Variants in BUD13 observed in about 807,000 individuals in gnomAD.
BUD13 encodes BUD13 spliceosome associated protein.
In BUD13, 47 loss-of-function variants were observed where a neutral mutation model predicts 62.5. That is an observed-to-expected ratio of 0.75 (90% CI 0.60 to 0.96). BUD13 has a LOEUF of 0.96. Among genes scored for constraint, BUD13 ranks in the 40% least tolerant of loss-of-function variants. The pLI is 0.00. For missense variants in BUD13, 821 were observed against 790.9 expected (o/e 1.04, Z -0.46); for synonymous variants, 293 against 280.1 (o/e 1.05, Z -0.46).
At chr11:116,752,419 G>A (rs1940252452) in intron 9 of BUD13, among the ~76,000 whole-genome samples, 1 of 152,026 alleles carries the variant, frequency 6.6e-6, no homozygotes, top group African/African-American at 2.4e-5. Context: ...AGGGAAATAA[G>A]AGAAGAAATC....
At position 116,759,102 on chromosome 11, in the gene BUD13, T is replaced by G. The variant is rs1940385758; in HGVS notation, c.1332A>C (p.Glu444Asp). ...DIQREQQELK[E>D]QDQETMAFEA... ...CAAATGCCATGGTTTCTTGATCCTG[T>G]TCCTTGAGCTCCTGCTGTTCTCGCT... Residue 444 changes from glutamate (E) to aspartate (D), a missense_variant, in exon 6 of 10, where the codon GAA becomes GAC. Physicochemically the swap from Glu to Asp is conservative, Grantham distance 45. Coordinates refer to ENST00000260210, the MANE Select transcript of BUD13 (RefSeq NM_032725.4). 1 of 1,613,970 alleles carries G rather than the reference T, an allele frequency of 6.2e-7. No homozygotes were observed.
chr11:116,763,199 C>T lies in BUD13; in HGVS notation c.390G>A (p.Arg130=). 1.3e-6 allele frequency: 2 copies of T among 1,585,772 alleles called. No homozygotes were observed. Among genetic ancestry groups the T allele is most frequent in the Non-Finnish European group, 8.6e-7 (1 of 1,165,534 alleles). ...RHDTPDSSPR[R]VRHGTPDPSP... is the part of the protein sequence containing the mutation. ...ATGGATCTGGGGTACCATGACGGAC[C>T]CTCCTAGGAGATGAATCCGGGGTAT... The change falls in exon 4 of 10, where the codon AGG becomes AGA. Residue 130 remains arginine (R), a synonymous_variant. Coordinates refer to ENST00000260210, the MANE Select transcript of BUD13 (RefSeq NM_032725.4).
chr11:116,762,431 C>T (rs1048361302), intron 4 of BUD13, 122 bp downstream of exon 4: 3 of 825,436 alleles, frequency 3.6e-6, no homozygotes, highest in South Asian at 3.9e-5. Flanking sequence ...CCAAACCCAG[C>T]CTCTCACTTT....
rs558368404 is a variant in BUD13, at chr11:116,761,050, G to T, written c.1037-98C>A. On this transcript the variant is annotated intron_variant, in intron 4 of 9. Coordinates refer to ENST00000260210, the MANE Select transcript of BUD13 (RefSeq NM_032725.4). ...CTGGGAGAAGAACCTAGAAATTAAA[G>T]AATTCCTTACATTATTATTATTTTT... is the stretch of plus-strand genomic sequence containing the variant. 8 of 955,312 alleles carry T rather than the reference G, an allele frequency of 8.4e-6. No individual in the cohort carries two copies. In the African/African-American group the frequency reaches 8.4e-5, roughly 10 times the overall value. The allele number at this position is 955,312 out of a possible 1,614,324, so 59.2% of individuals were successfully genotyped here. A position where few individuals can be genotyped will look rare whatever the true frequency, so the allele number is the denominator to read the frequency against.
rs772001563 is a variant in BUD13 at position 116,762,998 on chromosome 11, A to T, written c.591T>A (p.Ser197=). The stretch of plus-strand genomic sequence containing the variant: ...GCCTCCTTGGGGGAGAAGGATCTGG[A>T]GAATCATGACGGGCCCTCCTTGGGG... The part of the protein sequence containing the change: ...TSPPRRARHD[S]PDPSPPRRPQ... The change falls in exon 4 of 10, where the codon TCT becomes TCA. Residue 197 remains serine, a synonymous_variant. Transcript: ENST00000260210. 3.7e-6 allele frequency: 6 copies of T among 1,612,994 alleles called. No homozygotes were observed. Among genetic ancestry groups the T allele is most frequent in the Non-Finnish European group, 5.1e-6 (6 of 1,179,686 alleles).
Position 116,748,462 on chromosome 11 carries a change from C to T in BUD13, c.*20G>A, listed in dbSNP as rs145906707. 2.3e-3 allele frequency: 3,661 copies of T among 1,611,020 alleles called. 8 individuals are homozygous for T. Among genetic ancestry groups the T allele is most frequent in the Middle Eastern group, 8.3e-3 (50 of 6,054 alleles). ...TATGCCCACTACCACAGCCCAGCCACCCCCACAGCCTCAGGAAAGTTACAT... is the reference window on the plus strand; with the variant it reads ...TATGCCCACTACCACAGCCCAGCCATCCCCACAGCCTCAGGAAAGTTACAT... On this transcript the variant is annotated 3_prime_UTR_variant, in exon 10 of 10. Coordinates refer to ENST00000260210, the MANE Select transcript of BUD13 (RefSeq NM_032725.4).
intron 9 of BUD13, 27 bp from the exon 10 acceptor site, chr11:116,748,602 A>G (rs749936362): frequency 3.7e-6 from 6 of 1,604,890 alleles, no homozygotes; most frequent in Middle Eastern, 1.6e-4. Context: ...CATACTATTC[A>G]GCTAGAACCC....
At chr11:116,758,237 C>T (rs1940366493) in intron 7 of BUD13, 32 bp downstream of exon 7, 1 of 1,610,954 alleles carries the variant, frequency 6.2e-7, no homozygotes, top group Non-Finnish European at 8.5e-7. Context: ...CAGTCACTGC[C>T]ATCTTGTTTA....
Position 116,758,265 on chromosome 11 carries a change from T to C in BUD13, c.1499+4A>G, listed in dbSNP as rs774980988. ...CTTGTTTACCCTTTCAGTGGTTCCC[T>C]TACCCTTTTCCCCACTGGGCATACA... is the stretch of plus-strand genomic sequence containing the variant. On this transcript the variant is annotated splice_donor_region_variant and intron_variant, in intron 7 of 9. Coordinates refer to ENST00000260210, the MANE Select transcript of BUD13 (RefSeq NM_032725.4). 1.2e-6 allele frequency: 2 copies of C among 1,614,108 alleles called. No individual in the cohort carries two copies. The highest frequency in any genetic ancestry group is 2.2e-5 in the South Asian group (2 of 91,064).
chr11:116,765,348 T>C lies in BUD13; in HGVS notation c.322+14A>G, dbSNP rs1940513828. ...ACTAATGGAAATTTAGATTTATCTA[T>C]TGTTGGAACTCACCTCCCAGAAGCT... On this transcript the variant is annotated intron_variant, in intron 3 of 9. Transcript: ENST00000260210. 3 of 1,613,458 alleles carry C rather than the reference T, an allele frequency of 1.9e-6. No individual in the cohort carries two copies. The highest frequency in any genetic ancestry group is 2.2e-5 in the East Asian group (1 of 44,902).
chr11:116,754,017 G>A (rs558427679), intron 9 of BUD13, among the ~76,000 whole-genome samples: 1 of 152,098 alleles, frequency 6.6e-6, no homozygotes, highest in Non-Finnish European at 1.5e-5. Flanking sequence ...CTATCCACTG[G>A]GCCATAAAAC....
At position 116,762,435 on chromosome 11, in the gene BUD13, T is replaced by C; in HGVS notation, c.1036+118A>G. ...GTTCAACTCTCCCAAACCCAGCCTC[T>C]CACTTTTCAAAACTTTCCCAAAGAA... On this transcript the variant is annotated intron_variant, in intron 4 of 9. Coordinates refer to ENST00000260210, the MANE Select transcript of BUD13 (RefSeq NM_032725.4). 4.6e-6 allele frequency: 4 copies of C among 876,776 alleles called. No individual in the cohort carries two copies. In the South Asian group the frequency reaches 5.7e-5, roughly 12 times the overall value. The allele number at this position is 876,776 out of a possible 1,614,324, so 54.3% of individuals were successfully genotyped here.
chr11:116,748,666 G>A (rs1940180791), intron 9 of BUD13, 91 bp from the exon 10 acceptor site: 3 of 1,284,244 alleles, frequency 2.3e-6, no homozygotes, highest in East Asian at 2.3e-5. Context: ...ATAATGAAAA[G>A]GGGGGAAAGT....
chr11:116,768,564 T>C (rs558313119), intron 2 of BUD13, among the ~76,000 whole-genome samples: 9 of 152,188 alleles, frequency 5.9e-5, no homozygotes, highest in Non-Finnish European at 8.8e-5. Context: ...CTGTAATAAA[T>C]ATGCATTGCT....
rs1940597327 is a variant in BUD13 at position 116,770,112 on chromosome 11, G to GC, written c.237+16dup. 6.4e-7 allele frequency: 1 copy of GC among 1,554,928 alleles called. No homozygotes were observed. On this transcript the variant is annotated intron_variant, in intron 2 of 9. Transcript: ENST00000260210. ...CTTGCTTCATTTCAAAATCCTGACA[G>GC]CCCCAAAGATACATACCACAGGCAA...
At chr11:116,753,046 T>C (rs917494259) in intron 9 of BUD13, among the ~76,000 whole-genome samples, 2 of 152,164 alleles carry the variant, frequency 1.3e-5, no homozygotes, top group African/African-American at 4.8e-5. Flanking sequence ...TATCCTCAGT[T>C]AGCAACTATA....
At chr11:116,758,198 G>T in intron 7 of BUD13, 71 bp downstream of exon 7, 1 of 1,584,782 alleles carries the variant, frequency 6.3e-7, no homozygotes, top group Non-Finnish European at 8.6e-7. Flanking sequence ...GAAAGTGAGT[G>T]ATCAGAAGAG....
intron 3 of BUD13, among the ~76,000 whole-genome samples, chr11:116,764,624 T>C (rs780364572): frequency 6.6e-6 from 1 of 152,144 alleles, no homozygotes; most frequent in Non-Finnish European, 1.5e-5. Context: ...GACCAAAAGA[T>C]TCTCTTTGGA....
At chr11:116,768,773 G>C (rs1237743872) in intron 2 of BUD13, among the ~76,000 whole-genome samples, 2 of 151,956 alleles carry the variant, frequency 1.3e-5, no homozygotes, top group Non-Finnish European at 2.9e-5. Context: ...GGAGGCCGAG[G>C]TGGGCGGATC....
Sources: allele counts gnomAD v4.1 joint callset (sites outside exome capture counted in the v4.1 genomes callset), GRCh38; gene constraint gnomAD v4.1.1; transcripts MANE v1.5; gene names NCBI Gene and HGNC (gene_info 2026-07-23, HGNC 2026-07-21).